KCNH1: variants seen among roughly 807,000 people sequenced by gnomAD.
The protein encoded by KCNH1 is potassium voltage-gated channel subfamily H member 1.
A neutral mutation model predicts 69.2 loss-of-function variants in KCNH1; 27 were observed. That is an observed-to-expected ratio of 0.39 (90% CI 0.29 to 0.54). The LOEUF is 0.54. Ranked by LOEUF, KCNH1 falls within the 20% of genes least tolerant of loss-of-function variation. The pLI, the probability that KCNH1 is intolerant of heterozygous loss-of-function variation, is 0.68. For synonymous variants in KCNH1, 456 were observed against 487.7 expected (o/e 0.93, Z 0.86); for missense variants, 798 against 1,261.6 (o/e 0.63, Z 5.57).
At chr1:210,972,689 C>T (rs1284042475) in intron 6 of KCNH1, among the ~76,000 whole-genome samples, 1 of 151,996 alleles carries the variant, frequency 6.6e-6, no homozygotes, top group Non-Finnish European at 1.5e-5. Flanking sequence ...TGAAATCATG[C>T]CTGCTTCACT....
intron 6 of KCNH1, among the ~76,000 whole-genome samples, chr1:210,986,174 T>C (rs1215401527): frequency 6.6e-6 from 1 of 152,222 alleles, no homozygotes; most frequent in Non-Finnish European, 1.5e-5. Flanking sequence ...AGCCTATGTG[T>C]GTCTCTGCAC....
intron 3 of KCNH1, among the ~76,000 whole-genome samples, chr1:211,099,295 T>A (rs1361355712): frequency 6.6e-6 from 1 of 152,068 alleles, no homozygotes; most frequent in Admixed American, 6.5e-5. Context: ...CTTCTCTGAG[T>A]CTGTTGGGTG....
chr1:210,922,412 A>C (rs1035839911), intron 6 of KCNH1, among the ~76,000 whole-genome samples: 3 of 128,922 alleles, frequency 2.3e-5, no homozygotes, highest in Non-Finnish European at 4.9e-5. Flanking sequence ...AAAAAAAAAA[A>C]AAAAAAAAAC....
At chr1:211,013,733 A>G (rs577429864) in intron 6 of KCNH1, among the ~76,000 whole-genome samples, 58 of 152,358 alleles carry the variant, frequency 3.8e-4, no homozygotes, top group African/African-American at 1.3e-3. Flanking sequence ...GGATGGGCTC[A>G]TCACACAGGT....
chr1:210,928,303 C>T (rs1259305927), intron 6 of KCNH1, among the ~76,000 whole-genome samples: 1 of 152,058 alleles, frequency 6.6e-6, no homozygotes, highest in Non-Finnish European at 1.5e-5. Flanking sequence ...CCAAGATAGA[C>T]CATATGATAG....
chr1:210,870,846 C>A (rs1009513495), intron 7 of KCNH1, among the ~76,000 whole-genome samples: 1 of 152,138 alleles, frequency 6.6e-6, no homozygotes, highest in Non-Finnish European at 1.5e-5. Flanking sequence ...GATCATTCGG[C>A]TTAAGGGTAC....
At chr1:210,739,967 C>T (rs1464641978) in intron 10 of KCNH1, among the ~76,000 whole-genome samples, 3 of 151,740 alleles carry the variant, frequency 2.0e-5, no homozygotes, top group Non-Finnish European at 4.4e-5. Flanking sequence ...TCCAAGATAC[C>T]AGGGGGGGAA....
intron 10 of KCNH1, among the ~76,000 whole-genome samples, chr1:210,696,104 C>G (rs1258852057): frequency 6.6e-6 from 1 of 152,228 alleles, no homozygotes; most frequent in Admixed American, 6.5e-5. Context: ...GGTGCAGCTC[C>G]ACAGCTCTCC....
chr1:210,806,836 A>ATATATAT (rs59113939), intron 7 of KCNH1, among the ~76,000 whole-genome samples: 1 of 85,652 alleles, frequency 1.2e-5, no homozygotes, highest in African/African-American at 5.1e-5. Flanking sequence ...AAAAAAAAAA[A>ATATATAT]ATATATATAT....
intron 6 of KCNH1, among the ~76,000 whole-genome samples, chr1:210,940,609 C>T (rs776160585): frequency 6.6e-6 from 1 of 152,204 alleles, no homozygotes; most frequent in Non-Finnish European, 1.5e-5. Context: ...TAAAACCATC[C>T]ACTTCCTTTC....
Position 211,106,620 on chromosome 1 carries a change from A to G in KCNH1, c.203+634T>C, listed in dbSNP as rs187045044. Among the ~76,000 whole-genome samples the G allele has an allele frequency of 3.5e-4, 39 of 111,664 alleles. 2 individuals carry two copies. Among genetic ancestry groups the G allele is most frequent in the East Asian group, 3.4e-3 (15 of 4,356 alleles). The allele number at this position is 111,664 out of a possible 152,430, so 73.3% of individuals were successfully genotyped here. A position where few individuals can be genotyped will look rare whatever the true frequency, so the allele number is the denominator to read the frequency against. The stretch of plus-strand genomic sequence containing the variant: ...CCAACATGGTGAAACCCCCATCTCT[A>G]CTAAAAATACAAAAAAAAAAAAAAA... On this transcript the variant is annotated intron_variant, in intron 2 of 10. Coordinates refer to ENST00000271751, the MANE Select transcript of KCNH1 (RefSeq NM_172362.3).
intron 10 of KCNH1, among the ~76,000 whole-genome samples, chr1:210,708,058 A>G (rs1223084008): frequency 6.6e-6 from 1 of 152,196 alleles, no homozygotes; most frequent in Non-Finnish European, 1.5e-5. Flanking sequence ...AGCTCATCAC[A>G]TGGAGCATCT....
At chr1:211,089,279 A>C (rs1305932160) in intron 4 of KCNH1, among the ~76,000 whole-genome samples, 1 of 152,198 alleles carries the variant, frequency 6.6e-6, no homozygotes, top group Non-Finnish European at 1.5e-5. Flanking sequence ...TGAAATAGCT[A>C]CTGCACTGAG....
intron 7 of KCNH1, among the ~76,000 whole-genome samples, chr1:210,813,605 A>T (rs1285776772): frequency 6.6e-6 from 1 of 152,170 alleles, no homozygotes; most frequent in East Asian, 1.9e-4. Context: ...GTTTCTTCTA[A>T]TGTGATATTG....
chr1:211,097,965 A>G (rs1691187625), intron 3 of KCNH1, among the ~76,000 whole-genome samples: 1 of 152,240 alleles, frequency 6.6e-6, no homozygotes, highest in African/African-American at 2.4e-5. Context: ...TTAATTGAGT[A>G]GCACAGGAGT....
chr1:210,968,754 G>C (rs1034649667), intron 6 of KCNH1, among the ~76,000 whole-genome samples: 1 of 152,008 alleles, frequency 6.6e-6, no homozygotes, highest in Admixed American at 6.6e-5. Flanking sequence ...GTTCATTGTA[G>C]ATTCTGGATA....
chr1:210,861,019 T>C (rs1574301951), intron 7 of KCNH1: 5 of 1,060,848 alleles, frequency 4.7e-6, no homozygotes, highest in Non-Finnish European at 4.4e-6. Flanking sequence ...CATTGGGTTC[T>C]GTAAGAATCT....
At chr1:210,950,267 G>C (rs1249004252) in intron 6 of KCNH1, among the ~76,000 whole-genome samples, 1 of 145,580 alleles carries the variant, frequency 6.9e-6, no homozygotes, top group Non-Finnish European at 1.5e-5. Context: ...TGTGCACATT[G>C]TGCAGGTTAG....
rs1190468476 is a variant in KCNH1, at chr1:211,133,617, G to A, written c.79+250C>T. ...GTCACGCATCCTTGGAGATAAGACC[G>A]AGAGGGCGCTAGAAAGGCCCAAAAG... On this transcript the variant is annotated intron_variant, in intron 1 of 10. Transcript: ENST00000271751. The surrounding 1 kb of genome is among the most constrained non-coding windows in gnomAD (Gnocchi z 5.4). 6.6e-6 allele frequency among the ~76,000 whole-genome samples: 1 copy of A among 152,150 alleles called. No individual in the cohort carries two copies. The highest frequency in any genetic ancestry group is 6.5e-5 in the Admixed American group (1 of 15,278).
Sources: gnomAD v4.1 joint callset for allele counts (sites outside exome capture counted in the v4.1 genomes callset) on GRCh38, gnomAD v4.1.1 for gene constraint, Gnocchi (gnomAD v3.1) non-coding constraint, MANE v1.5 for transcripts, NCBI Gene and HGNC (gene_info 2026-07-23, HGNC 2026-07-21) for gene names.